KCNAB1: variants seen among roughly 807,000 people sequenced by gnomAD.
KCNAB1 encodes the protein voltage-gated potassium channel subunit beta-1.
In KCNAB1, 35 loss-of-function variants were observed where a neutral mutation model predicts 64.6. The ratio of observed to expected loss-of-function variants is 0.54; its 90% CI spans 0.41 to 0.72. The LOEUF (loss-of-function observed/expected upper bound fraction) is 0.72. Among genes scored for constraint, KCNAB1 ranks in the 30% least tolerant of loss-of-function variants. The probability of loss-of-function intolerance (pLI) is 0.00; values close to 1 mark genes in which losing one functional copy is unlikely to be tolerated. For synonymous variants in KCNAB1, 177 were observed against 183.8 expected (o/e 0.96, Z 0.30); for missense variants, 401 against 512.9 (o/e 0.78, Z 2.11).
At chr3:156,391,504 A>ATTT in intron 1 of KCNAB1, among the ~76,000 whole-genome samples, 1 of 152,218 alleles carries the variant, frequency 6.6e-6, no homozygotes, top group Non-Finnish European at 1.5e-5. Context: ...AGAGAGCTAA[A>ATTT]ATAACTTCCC....
intron 1 of KCNAB1, among the ~76,000 whole-genome samples, chr3:156,210,249 C>A (rs560825671): frequency 6.6e-6 from 1 of 152,248 alleles, no homozygotes; most frequent in East Asian, 1.9e-4. Context: ...CTCTATGGAG[C>A]AGGGCCTCCA....
chr3:156,336,316 C>T (rs368495198), intron 1 of KCNAB1, among the ~76,000 whole-genome samples: 3 of 152,170 alleles, frequency 2.0e-5, no homozygotes, highest in South Asian at 2.1e-4. Flanking sequence ...GAGCTGAGAT[C>T]GTACCACTGC....
intron 6 of KCNAB1, 100 bp from the exon 7 acceptor site, chr3:156,465,543 G>T: frequency 1.9e-6 from 2 of 1,033,006 alleles, no homozygotes; most frequent in Non-Finnish European, 1.5e-6. Context: ...TGTAGAATTT[G>T]ATAAGAACAG....
At chr3:156,260,225 C>T (rs1209523560) in intron 1 of KCNAB1, among the ~76,000 whole-genome samples, 1 of 152,174 alleles carries the variant, frequency 6.6e-6, no homozygotes, top group East Asian at 1.9e-4. Flanking sequence ...TAAACCTTCT[C>T]TCTTAGCAAA....
At chr3:156,389,328 G>T (rs778358091) in intron 1 of KCNAB1, among the ~76,000 whole-genome samples, 3 of 152,106 alleles carry the variant, frequency 2.0e-5, no homozygotes, top group African/African-American at 7.2e-5. Flanking sequence ...GAAGCTCCTC[G>T]CCTTGCCATG....
chr3:156,126,880 A>C (rs1713689647), intron 1 of KCNAB1, among the ~76,000 whole-genome samples: 1 of 152,108 alleles, frequency 6.6e-6, no homozygotes, highest in Non-Finnish European at 1.5e-5. Context: ...ATATAGTAGT[A>C]AATATGATAT....
chr3:156,229,333 T>A (rs1451444014), intron 1 of KCNAB1, among the ~76,000 whole-genome samples: 2 of 151,972 alleles, frequency 1.3e-5, no homozygotes, highest in East Asian at 3.9e-4. Context: ...GGAGAGGTGC[T>A]ACACACCTCA....
chr3:156,305,417 A>T (rs1721431436), intron 1 of KCNAB1, among the ~76,000 whole-genome samples: 1 of 152,234 alleles, frequency 6.6e-6, no homozygotes, highest in Non-Finnish European at 1.5e-5. Context: ...TCCAGTTTTC[A>T]TAAGCTTCAA....
At chr3:156,316,276 C>T (rs1000965398) in intron 1 of KCNAB1, among the ~76,000 whole-genome samples, 37 of 152,228 alleles carry the variant, frequency 2.4e-4, no homozygotes, top group African/African-American at 8.9e-4. Context: ...AAAGTCAAGT[C>T]AGCTCTTTAC....
chr3:156,121,846 G>C (rs865883469), intron 1 of KCNAB1, among the ~76,000 whole-genome samples: 3 of 152,154 alleles, frequency 2.0e-5, no homozygotes, highest in Non-Finnish European at 4.4e-5. Flanking sequence ...AGTGCACTCT[G>C]AGCTGCCTTT....
chr3:156,405,557 T>A (rs985455587), intron 1 of KCNAB1, among the ~76,000 whole-genome samples: 6 of 152,220 alleles, frequency 3.9e-5, no homozygotes, highest in Non-Finnish European at 7.3e-5. Flanking sequence ...CATAAGTATG[T>A]AAAAACTAAA....
At chr3:156,462,661 C>A (rs1217760692) in intron 5 of KCNAB1, among the ~76,000 whole-genome samples, 3 of 152,182 alleles carry the variant, frequency 2.0e-5, no homozygotes, top group African/African-American at 7.2e-5. Flanking sequence ...CATTGGTTAT[C>A]ATTAATCATA....
At chr3:156,522,404 T>C (rs978831010) in intron 11 of KCNAB1, among the ~76,000 whole-genome samples, 2 of 152,098 alleles carry the variant, frequency 1.3e-5, no homozygotes, top group Non-Finnish European at 2.9e-5. Context: ...CAAGGCAGTG[T>C]CCATTGTTCA....
intron 1 of KCNAB1, among the ~76,000 whole-genome samples, chr3:156,331,922 A>T (rs974119301): frequency 6.6e-6 from 1 of 152,180 alleles, no homozygotes; most frequent in African/African-American, 2.4e-5. Flanking sequence ...AAGGGGTTGT[A>T]TACCTACACA....
At chr3:156,381,907 T>G (rs1169151937) in intron 1 of KCNAB1, among the ~76,000 whole-genome samples, 1 of 152,206 alleles carries the variant, frequency 6.6e-6, no homozygotes, top group Admixed American at 6.5e-5. Flanking sequence ...TTTCATTATA[T>G]TTACTCTTTT....
rs2272113 is a variant in KCNAB1, at chr3:156,459,963, G to C, written c.482+92G>C. On this transcript the variant is annotated intron_variant, in intron 5 of 13. Coordinates refer to ENST00000490337, the MANE Select transcript of KCNAB1 (RefSeq NM_172160.3). The stretch of plus-strand genomic sequence containing the variant: ...AAATTATATGACACCTGACCAAAAG[G>C]CTGTCAAAAAAAATCAACTGTTTTT... 9.5e-3 allele frequency: 8,098 copies of C among 850,642 alleles called. 199 individuals are homozygous for C. The highest frequency in any genetic ancestry group is 0.05 in the East Asian group (1,944 of 38,618). 52.7% of individuals were successfully genotyped at this position (850,642 alleles called of 1,614,324 possible).
At chr3:156,436,643 G>C (rs1559883795) in intron 2 of KCNAB1, among the ~76,000 whole-genome samples, 1 of 152,154 alleles carries the variant, frequency 6.6e-6, no homozygotes, top group Non-Finnish European at 1.5e-5. Flanking sequence ...ATTGTGCTTT[G>C]ATTTGCTTTT....
At chr3:156,274,562 T>G (rs546185758) in intron 1 of KCNAB1, among the ~76,000 whole-genome samples, 1 of 152,302 alleles carries the variant, frequency 6.6e-6, no homozygotes, top group East Asian at 1.9e-4. Context: ...AATGACAGAT[T>G]TGAAGGTTTT....
At chr3:156,476,981 A>G (rs7625266) in intron 8 of KCNAB1, among the ~76,000 whole-genome samples, 84,208 of 151,876 alleles carry the variant, frequency 0.55, 24,487 homozygotes, top group African/African-American at 0.73. Flanking sequence ...GATTTTTAAG[A>G]ATTTTGTTCC....
Sources: gnomAD v4.1 joint callset for allele counts (sites outside exome capture counted in the v4.1 genomes callset) on GRCh38, gnomAD v4.1.1 for gene constraint, MANE v1.5 for transcripts, NCBI Gene and HGNC (gene_info 2026-07-23, HGNC 2026-07-21) for gene names.